SAMD12: variants seen among roughly 807,000 people sequenced by gnomAD.
SAMD12 encodes sterile alpha motif domain-containing protein 12.
A neutral mutation model predicts 15.0 loss-of-function variants in SAMD12; 9 were observed. The ratio of observed to expected loss-of-function variants is 0.60; its 90% CI spans 0.36 to 1.05. The LOEUF is 1.05. SAMD12 is among the 50% of genes least tolerant of loss of function. SAMD12 has a pLI of 0.01. For missense variants in SAMD12, 230 were observed against 234.2 expected, an observed-to-expected ratio of 0.98 and a Z score of 0.12; for synonymous variants, 86 against 90.1, an observed-to-expected ratio of 0.96 and a Z score of 0.25.
At chr8:118,201,808 T>C (rs1208646518) in intron 4 of SAMD12, among the ~76,000 whole-genome samples, 3 of 152,232 alleles carry the variant, frequency 2.0e-5, no homozygotes, top group Admixed American at 1.3e-4. Context: ...AGCTAACAAA[T>C]AGTAAAAGGC....
At chr8:118,320,677 G>GT (rs1236423255) in intron 4 of SAMD12, among the ~76,000 whole-genome samples, 1 of 147,912 alleles carries the variant, frequency 6.8e-6, no homozygotes, top group African/African-American at 2.5e-5. Flanking sequence ...TGGGGTGGGG[G>GT]GGGTGGGGAG....
At chr8:118,281,049 A>C (rs1291846396) in intron 4 of SAMD12, among the ~76,000 whole-genome samples, 5 of 152,148 alleles carry the variant, frequency 3.3e-5, no homozygotes, top group Admixed American at 6.5e-5. Flanking sequence ...ATATTATCTG[A>C]ATTCAATTTC....
chr8:118,317,310 C>G (rs1815967990), intron 4 of SAMD12, among the ~76,000 whole-genome samples: 1 of 152,138 alleles, frequency 6.6e-6, no homozygotes, highest in South Asian at 2.1e-4. Flanking sequence ...GTATGTGTCA[C>G]CAGAGATGCA....
chr8:118,178,477 GT>G, the SAMD12 span, among the ~76,000 whole-genome samples: 2 of 151,584 alleles, frequency 1.3e-5, no homozygotes, highest in African/African-American at 2.4e-5. Context: ...AAAAAAAATT[GT>G]TTTTTTTAGA....
intron 2 of SAMD12, among the ~76,000 whole-genome samples, chr8:118,456,872 TTTG>T (rs1465615045): frequency 6.6e-6 from 1 of 152,184 alleles, no homozygotes; most frequent in East Asian, 1.9e-4. Context: ...AATAAGGAAG[TTTG>T]TATGACATCA....
intron 1 of SAMD12, 144 bp downstream of exon 1, chr8:118,621,660 G>T: frequency 1.1e-6 from 1 of 875,750 alleles, no homozygotes; most frequent in South Asian, 1.4e-5. Flanking sequence ...GCGCAGGTGA[G>T]TGCCAAGAGG....
the SAMD12 span, among the ~76,000 whole-genome samples, chr8:118,135,204 C>T: frequency 9.2e-5 from 14 of 152,040 alleles, no homozygotes; most frequent in East Asian, 5.8e-4. Context: ...TTTTCTGAGA[C>T]GGAGTCTTGC....
chr8:118,346,584 C>T (rs1164454955), intron 4 of SAMD12, among the ~76,000 whole-genome samples: 1 of 152,134 alleles, frequency 6.6e-6, no homozygotes, highest in Non-Finnish European at 1.5e-5. Flanking sequence ...TGTTAAACGG[C>T]ATTGAGAGGG....
At chr8:118,280,051 A>G (rs1813575909) in intron 4 of SAMD12, among the ~76,000 whole-genome samples, 1 of 152,156 alleles carries the variant, frequency 6.6e-6, no homozygotes, top group Non-Finnish European at 1.5e-5. Context: ...TGGGACTGGC[A>G]ATTGTGAGCT....
the SAMD12 span, among the ~76,000 whole-genome samples, chr8:118,154,896 G>A: frequency 6.6e-6 from 1 of 152,142 alleles, no homozygotes; most frequent in Non-Finnish European, 1.5e-5. Flanking sequence ...TAAGCAAACA[G>A]CCTAGCAAGG....
chr8:118,482,707 T>C (rs1028138218), intron 2 of SAMD12, among the ~76,000 whole-genome samples: 1 of 152,190 alleles, frequency 6.6e-6, no homozygotes, highest in Non-Finnish European at 1.5e-5. Flanking sequence ...CTAGAATCAA[T>C]CCCTCACAGG....
At chr8:118,297,019 C>A (rs1175810352) in intron 4 of SAMD12, among the ~76,000 whole-genome samples, 1 of 152,082 alleles carries the variant, frequency 6.6e-6, no homozygotes, top group African/African-American at 2.4e-5. Context: ...TATATGGCTG[C>A]ATATTTAAGG....
chr8:118,510,093 G>T (rs966682078), intron 2 of SAMD12, among the ~76,000 whole-genome samples: 1 of 152,028 alleles, frequency 6.6e-6, no homozygotes, highest in Non-Finnish European at 1.5e-5. Context: ...TAATGGAAAA[G>T]CCACTTTTCC....
At chr8:118,335,511 C>T (rs1817014014) in intron 4 of SAMD12, among the ~76,000 whole-genome samples, 1 of 151,982 alleles carries the variant, frequency 6.6e-6, no homozygotes, top group Non-Finnish European at 1.5e-5. Context: ...TCTCCCACAA[C>T]CTGGTGTGAC....
downstream of SAMD12, among the ~76,000 whole-genome samples, chr8:118,373,226 A>C (rs1170261035): frequency 6.6e-6 from 1 of 152,202 alleles, no homozygotes; most frequent in Non-Finnish European, 1.5e-5. Flanking sequence ...ACTGCAATCT[A>C]GTCTCAGTTA....
chr8:118,356,217 C>T (rs887404073), intron 4 of SAMD12, among the ~76,000 whole-genome samples: 4 of 152,132 alleles, frequency 2.6e-5, no homozygotes, highest in Non-Finnish European at 5.9e-5. Flanking sequence ...TGTCATTTGC[C>T]TAAGGTTATA....
intron 2 of SAMD12, among the ~76,000 whole-genome samples, chr8:118,531,155 A>C (rs972008395): frequency 1.3e-5 from 2 of 152,232 alleles, no homozygotes. Context: ...ATGGCTAGCC[A>C]GTTTTCCCAG....
At chr8:118,164,852 TAC>T in the SAMD12 span, among the ~76,000 whole-genome samples, 4 of 151,904 alleles carry the variant, frequency 2.6e-5, no homozygotes, top group South Asian at 2.1e-4. Flanking sequence ...CATATATATA[TAC>T]ACACACACAC....
At chr8:118,348,454 TCCGCCCCCCGGGGTTCGTG>T (rs944204683) in intron 4 of SAMD12, among the ~76,000 whole-genome samples, 18 of 151,322 alleles carry the variant, frequency 1.2e-4, no homozygotes, top group African/African-American at 4.4e-4. Flanking sequence ...CACCGCAAGC[TCCGCCCCCCGGGGTTCGTG>T]CCATTCTCCT....
Sources: gnomAD v4.1 joint callset for allele counts (sites outside exome capture counted in the v4.1 genomes callset) on GRCh38, gnomAD v4.1.1 for gene constraint, MANE v1.5 for transcripts, NCBI Gene and HGNC (gene_info 2026-07-23, HGNC 2026-07-21) for gene names.